The following THSD7B variants were observed in gnomAD, a reference collection of about 807,000 sequenced individuals.
The protein encoded by THSD7B is thrombospondin type-1 domain-containing protein 7B.
Under a neutral mutation model 213.6 loss-of-function variants are expected in THSD7B, and 138 were observed. The observed-to-expected ratio is 0.65, with a 90% CI of 0.56 to 0.74. THSD7B has a LOEUF of 0.74. THSD7B is among the 30% of genes least tolerant of loss of function. The pLI is 0.00. For synonymous variants in THSD7B, 742 were observed against 687.0 expected (o/e 1.08, Z -1.25); for missense variants, 1,931 against 1,991.5 (o/e 0.97, Z 0.58).
At chr2:137,032,690 A>G (rs539276688) in intron 2 of THSD7B, among the ~76,000 whole-genome samples, 1 of 152,352 alleles carries the variant, frequency 6.6e-6, no homozygotes, top group African/African-American at 2.4e-5. Context: ...CCTCTATCAC[A>G]TAACTGTATT....
intron 20 of THSD7B, among the ~76,000 whole-genome samples, chr2:137,639,011 AT>A (rs55903155): frequency 0.11 from 16,869 of 147,634 alleles, 986 homozygotes; most frequent in Middle Eastern, 0.2. Context: ...AGAAAAAGCC[AT>A]TTTTTTTTTT....
chr2:137,441,498 A>G (rs985607754), intron 14 of THSD7B, among the ~76,000 whole-genome samples: 2 of 152,108 alleles, frequency 1.3e-5, no homozygotes, highest in Admixed American at 6.6e-5. Flanking sequence ...AAATTCTGCT[A>G]CACTGTGAAG....
intron 15 of THSD7B, among the ~76,000 whole-genome samples, chr2:137,557,838 A>C (rs113328522): frequency 0.36 from 54,470 of 152,044 alleles, 10,122 homozygotes; most frequent in South Asian, 0.56. Context: ...AAAGAAGAAA[A>C]CAGAGAAGAA....
chr2:136,819,952 C>T (rs1045263305), intron 1 of THSD7B, among the ~76,000 whole-genome samples: 8 of 152,060 alleles, frequency 5.3e-5, no homozygotes, highest in Non-Finnish European at 1.2e-4. Flanking sequence ...GAAAGCTCTC[C>T]CCTTCCCCAC....
At chr2:137,075,061 G>A (rs1019258141) in intron 3 of THSD7B, among the ~76,000 whole-genome samples, 2 of 152,086 alleles carry the variant, frequency 1.3e-5, no homozygotes, top group Non-Finnish European at 2.9e-5. Context: ...ACAATTATGT[G>A]TCTTGGAGTT....
At chr2:136,950,519 C>G (rs1347069132) in intron 2 of THSD7B, among the ~76,000 whole-genome samples, 1 of 152,164 alleles carries the variant, frequency 6.6e-6, no homozygotes, top group Non-Finnish European at 1.5e-5. Context: ...AGCTCTCAGA[C>G]TTTCTTTTTT....
chr2:137,647,794 G>T (rs1683064419), intron 21 of THSD7B, among the ~76,000 whole-genome samples: 1 of 152,140 alleles, frequency 6.6e-6, no homozygotes, highest in African/African-American at 2.4e-5. Flanking sequence ...GAGTAGCCAA[G>T]AAACCAGCTG....
intron 2 of THSD7B, among the ~76,000 whole-genome samples, chr2:136,958,844 C>T (rs1685169416): frequency 6.6e-6 from 1 of 152,136 alleles, no homozygotes; most frequent in South Asian, 2.1e-4. Context: ...CCAAAGTGAG[C>T]TGAATTTCAT....
chr2:136,799,220 A>G (rs1480185979), intron 1 of THSD7B, among the ~76,000 whole-genome samples: 1 of 151,946 alleles, frequency 6.6e-6, no homozygotes. Context: ...TTTTACCACA[A>G]TGTCATTATT....
chr2:137,448,710 A>G (rs954357568), intron 14 of THSD7B, among the ~76,000 whole-genome samples: 35 of 152,086 alleles, frequency 2.3e-4, no homozygotes, highest in African/African-American at 7.5e-4. Context: ...GAGGCCGGAG[A>G]ATGGCGTGAA....
At chr2:137,342,568 A>G (rs867643568) in intron 12 of THSD7B, among the ~76,000 whole-genome samples, 69 of 151,624 alleles carry the variant, frequency 4.6e-4, no homozygotes, top group African/African-American at 1.5e-3. Flanking sequence ...AGTTGCTAGT[A>G]TGGGCATCCT....
intron 2 of THSD7B, among the ~76,000 whole-genome samples, chr2:136,989,655 TAAA>T (rs1685731818): frequency 6.6e-6 from 1 of 152,150 alleles, no homozygotes; most frequent in Non-Finnish European, 1.5e-5. Context: ...TTCCAAAGAC[TAAA>T]GCACTGTTGG....
intron 6 of THSD7B, among the ~76,000 whole-genome samples, chr2:137,162,321 T>C (rs910477188): frequency 2.0e-5 from 3 of 152,210 alleles, no homozygotes; most frequent in Non-Finnish European, 2.9e-5. Flanking sequence ...GTCTTTTCCA[T>C]TGGTCCCCGG....
intron 7 of THSD7B, among the ~76,000 whole-genome samples, chr2:137,200,267 C>T (rs1199163112): frequency 6.6e-6 from 1 of 151,986 alleles, no homozygotes; most frequent in African/African-American, 2.4e-5. Context: ...GATATGGATG[C>T]TGTGTCAGTG....
At chr2:137,547,196 A>G (rs1204757274) in intron 15 of THSD7B, among the ~76,000 whole-genome samples, 2 of 152,004 alleles carry the variant, frequency 1.3e-5, no homozygotes, top group African/African-American at 4.8e-5. Flanking sequence ...TTTGCTTCTC[A>G]CTTTTGCAAA....
At chr2:136,776,149 T>C (rs1410375942) in intron 1 of THSD7B, among the ~76,000 whole-genome samples, 1 of 152,120 alleles carries the variant, frequency 6.6e-6, no homozygotes, top group Non-Finnish European at 1.5e-5. Flanking sequence ...TTATTGAATC[T>C]GTGGGGTTTT....
At chr2:137,389,368 G>A (rs962126329) in intron 12 of THSD7B, among the ~76,000 whole-genome samples, 71 of 134,132 alleles carry the variant, frequency 5.3e-4, no homozygotes, top group African/African-American at 2.0e-3. Flanking sequence ...TTTGAGAAGT[G>A]TCCATTCAGA....
chr2:137,246,112 A>G (rs774730971), intron 10 of THSD7B, among the ~76,000 whole-genome samples: 6 of 152,144 alleles, frequency 3.9e-5, no homozygotes, highest in African/African-American at 7.2e-5. Context: ...TGGGAGGTGA[A>G]GGGGAGTGGT....
chr2:136,880,744 C>G (rs1683607858), intron 1 of THSD7B, among the ~76,000 whole-genome samples: 1 of 152,090 alleles, frequency 6.6e-6, no homozygotes, highest in Non-Finnish European at 1.5e-5. Flanking sequence ...CTCTCCTGAT[C>G]CTTGATCTTT....
Sources: gnomAD v4.1 joint callset for allele counts (sites outside exome capture counted in the v4.1 genomes callset) on GRCh38, gnomAD v4.1.1 for gene constraint, MANE v1.5 for transcripts, NCBI Gene and HGNC (gene_info 2026-07-23, HGNC 2026-07-21) for gene names.